Variants in COL5A2 observed in about 807,000 individuals in gnomAD.
The protein encoded by COL5A2 is collagen type V alpha 2 chain.
In COL5A2, 23 loss-of-function variants were observed where a neutral mutation model predicts 208.2. That is an observed-to-expected ratio of 0.11 (90% CI 0.08 to 0.16). The LOEUF (loss-of-function observed/expected upper bound fraction) is 0.16. Ranked by LOEUF, COL5A2 falls within the 10% of genes least tolerant of loss-of-function variation. The pLI is 1.00. For synonymous variants in COL5A2, 625 were observed against 628.5 expected, an observed-to-expected ratio of 0.99 and a Z score of 0.08; for missense variants, 1,590 against 1,956.4, an observed-to-expected ratio of 0.81 and a Z score of 3.53.
At chr2:189,432,070 AC>A in the COL5A2 span, among the ~76,000 whole-genome samples, 1 of 152,216 alleles carries the variant, frequency 6.6e-6, no homozygotes, top group African/African-American at 2.4e-5. Flanking sequence ...AGAATTTTCA[AC>A]CTAGAATTTC....
chr2:189,352,368 A>T, the COL5A2 span, among the ~76,000 whole-genome samples: 3 of 152,176 alleles, frequency 2.0e-5, no homozygotes, highest in Admixed American at 2.0e-4. Context: ...ATCCTTGAGG[A>T]ATTGCCACAC....
chr2:189,134,778 A>T (rs575207144), intron 1 of COL5A2, among the ~76,000 whole-genome samples: 1 of 152,328 alleles, frequency 6.6e-6, no homozygotes, highest in South Asian at 2.1e-4. Context: ...CATTCAAAAG[A>T]GTTGCACATA....
chr2:189,039,624 G>C, intron 50 of COL5A2, 61 bp from the exon 51 acceptor site: 2 of 1,537,158 alleles, frequency 1.3e-6, no homozygotes, highest in Admixed American at 3.6e-5. Flanking sequence ...TTAACTGGTA[G>C]AACTTGGTTC....
At chr2:189,055,015 C>T (rs1378933324) in intron 35 of COL5A2, among the ~76,000 whole-genome samples, 1 of 152,034 alleles carries the variant, frequency 6.6e-6, no homozygotes, top group African/African-American at 2.4e-5. Flanking sequence ...TCCCAAGTAG[C>T]TGGGATTGCA....
At chr2:189,197,813 A>G (rs992829558) in intron 1 of COL5A2, among the ~76,000 whole-genome samples, 2 of 151,452 alleles carry the variant, frequency 1.3e-5, no homozygotes, top group African/African-American at 4.8e-5. Flanking sequence ...CTTCAAATTA[A>G]TATTTTCCTC....
Position 189,039,480 on chromosome 2 carries a change from G to C in COL5A2, c.3717C>G (p.His1239Gln). 1 of 1,614,060 alleles carries C rather than the reference G, an allele frequency of 6.2e-7. No homozygotes were observed. Among genetic ancestry groups the C allele is most frequent in the East Asian group, 2.2e-5 (1 of 44,850 alleles). The change falls in exon 51 of 54, where the codon CAC (histidine) becomes CAG (glutamine). Residue 1239 changes from histidine (H) to glutamine (Q), a missense_variant. Coordinates refer to ENST00000374866, the MANE Select transcript of COL5A2 (RefSeq NM_000393.5). The part of the protein sequence containing the change: ...LTAALGDIMG[H>Q]YDESMPDPLP... ...GTGGATCTGGCATGCTTTCATCATA[G>C]TGCCCCATGATATCCCCAAGAGCAG...
chr2:189,385,627 A>C, the COL5A2 span, among the ~76,000 whole-genome samples: 21 of 152,140 alleles, frequency 1.4e-4, no homozygotes, highest in Admixed American at 2.6e-4. Context: ...AAAACATCCA[A>C]AAATTCATAC....
At chr2:189,210,248 G>A (rs972471522) in intron 1 of COL5A2, among the ~76,000 whole-genome samples, 3 of 152,118 alleles carry the variant, frequency 2.0e-5, no homozygotes, top group African/African-American at 7.2e-5. Context: ...GAAATAAAGA[G>A]AGTTTAAAAT....
chr2:189,103,497 T>G (rs1687087760), intron 3 of COL5A2, among the ~76,000 whole-genome samples: 1 of 152,086 alleles, frequency 6.6e-6, no homozygotes, highest in African/African-American at 2.4e-5. Context: ...TCTACTGCCT[T>G]GATCCCTGTG....
chr2:189,186,179 G>T (rs1688849298), intron 1 of COL5A2, among the ~76,000 whole-genome samples: 1 of 151,626 alleles, frequency 6.6e-6, no homozygotes, highest in Non-Finnish European at 1.5e-5. Context: ...TAACATTTTT[G>T]TAGAGATGGG....
chr2:189,428,068 T>C, the COL5A2 span, among the ~76,000 whole-genome samples: 1 of 152,220 alleles, frequency 6.6e-6, no homozygotes, highest in Non-Finnish European at 1.5e-5. Context: ...GAGTTAATGC[T>C]AGACTGAGTT....
intron 32 of COL5A2, 116 bp from the exon 33 acceptor site, chr2:189,058,643 C>T: frequency 9.8e-7 from 1 of 1,021,844 alleles, no homozygotes; most frequent in Non-Finnish European, 1.5e-6. Flanking sequence ...ATTACTAAAT[C>T]TCAATTTTCT....
chr2:189,137,164 A>C (rs901530637), intron 1 of COL5A2, among the ~76,000 whole-genome samples: 2 of 152,226 alleles, frequency 1.3e-5, no homozygotes, highest in African/African-American at 4.8e-5. Context: ...CAAACATAAT[A>C]CATTAAATAT....
chr2:189,052,945 C>G lies in COL5A2; in HGVS notation c.2627G>C (p.Gly876Ala). 2 of 1,614,078 alleles carry G rather than the reference C, an allele frequency of 1.2e-6. No individual in the cohort carries two copies. The highest frequency in any genetic ancestry group is 1.7e-6 in the Non-Finnish European group (2 of 1,180,000). The change falls in exon 39 of 54, where the codon GGA (glycine) becomes GCA (alanine). Residue 876 changes from glycine (G) to alanine (A), a missense_variant. Physicochemically the swap from Gly to Ala is moderately conservative, Grantham distance 60. Coordinates refer to ENST00000374866, the MANE Select transcript of COL5A2 (RefSeq NM_000393.5). ...AGGGGATCCTGCTAAACCTTGTGGT[C>G]CAGGAGAACCAGCATCTCCCTTCTG... The part of the protein sequence containing the change: ...PGQKGDAGSP[G>A]PQGLAGSPGP...
the COL5A2 span, among the ~76,000 whole-genome samples, chr2:189,296,299 C>A: frequency 6.6e-6 from 1 of 151,964 alleles, no homozygotes; most frequent in Non-Finnish European, 1.5e-5. Context: ...TGTTTTTTTA[C>A]AGTTTCCAAA....
intron 1 of COL5A2, among the ~76,000 whole-genome samples, chr2:189,138,559 T>C (rs183361675): frequency 2.0e-3 from 312 of 152,270 alleles, no homozygotes; most frequent in African/African-American, 6.3e-3. Context: ...AACTCCCAAG[T>C]AGCAATGAAC....
chr2:189,151,158 T>C (rs1688133926), intron 1 of COL5A2, among the ~76,000 whole-genome samples: 1 of 152,106 alleles, frequency 6.6e-6, no homozygotes, highest in African/African-American at 2.4e-5. Flanking sequence ...GCAAACATTT[T>C]AAGACACACT....
the COL5A2 span, among the ~76,000 whole-genome samples, chr2:189,272,570 TTGA>T: frequency 6.6e-6 from 1 of 152,118 alleles, no homozygotes; most frequent in Non-Finnish European, 1.5e-5. Context: ...AGATGATGAA[TTGA>T]TGAGTGCAGC....
the COL5A2 span, among the ~76,000 whole-genome samples, chr2:189,424,133 A>G: frequency 2.0e-5 from 3 of 152,340 alleles, no homozygotes; most frequent in South Asian, 6.2e-4. Flanking sequence ...AAAGCACTTG[A>G]CAAAATTTAA....
Sources: gnomAD v4.1 joint callset for allele counts (sites outside exome capture counted in the v4.1 genomes callset) on GRCh38, gnomAD v4.1.1 for gene constraint, MANE v1.5 for transcripts, NCBI Gene and HGNC (gene_info 2026-07-23, HGNC 2026-07-21) for gene names.